Variants in ROBO2 observed in about 807,000 individuals in gnomAD.
ROBO2 encodes the protein roundabout homolog 2.
ROBO2 carries 53 observed loss-of-function variants against 160.8 expected under a neutral mutation model. The observed-to-expected ratio is 0.33, with a 90% CI of 0.26 to 0.41. The LOEUF is 0.41. ROBO2 is among the 10% of genes least tolerant of loss of function. The probability of loss-of-function intolerance (pLI) is 1.00; values close to 1 mark genes in which losing one functional copy is unlikely to be tolerated. For synonymous variants in ROBO2, 664 were observed against 611.7 expected, an observed-to-expected ratio of 1.09 and a Z score of -1.26; for missense variants, 1,577 against 1,722.4, an observed-to-expected ratio of 0.92 and a Z score of 1.49.
At chr3:76,577,808 A>G (rs2085401251) in intron 2 of ROBO2, among the ~76,000 whole-genome samples, 1 of 152,122 alleles carries the variant, frequency 6.6e-6, no homozygotes, top group South Asian at 2.1e-4. Context: ...TTAATATCTG[A>G]AGAATCATTC....
intron 2 of ROBO2, among the ~76,000 whole-genome samples, chr3:76,235,125 C>T (rs868816514): frequency 2.0e-5 from 3 of 152,102 alleles, no homozygotes; most frequent in South Asian, 2.1e-4. Context: ...TGATTGAGTC[C>T]TCCCTCACAG....
At chr3:76,607,809 C>T (rs1455465114) in intron 2 of ROBO2, among the ~76,000 whole-genome samples, 1 of 152,212 alleles carries the variant, frequency 6.6e-6, no homozygotes, top group Non-Finnish European at 1.5e-5. Flanking sequence ...ACGTAGAAAA[C>T]ACTTTTGAGG....
chr3:76,081,935 A>G (rs2068847439), intron 2 of ROBO2, among the ~76,000 whole-genome samples: 2 of 152,140 alleles, frequency 1.3e-5, no homozygotes, highest in Admixed American at 6.6e-5. Context: ...AGACATGCAT[A>G]TAAAATATAA....
At chr3:77,416,244 G>A (rs1451487954) in intron 2 of ROBO2, among the ~76,000 whole-genome samples, 1 of 152,206 alleles carries the variant, frequency 6.6e-6, no homozygotes, top group South Asian at 2.1e-4. Flanking sequence ...ATGAGAGAGT[G>A]CATGCTGATT....
intron 2 of ROBO2, among the ~76,000 whole-genome samples, chr3:76,822,072 A>C (rs557936321): frequency 6.6e-6 from 1 of 152,026 alleles, no homozygotes; most frequent in African/African-American, 2.4e-5. Flanking sequence ...CCAAAAAAAA[A>C]TTTTCCAGAC....
rs552088200 is a variant in ROBO2 at position 76,586,822 on chromosome 3, C to T, written c.110-511192C>T. On this transcript the variant is annotated intron_variant, in intron 2 of 26. Coordinates refer to the ROBO2 transcript ENST00000487694. ...CTAATTAAAAAAGGAGTACTGATCA[C>T]ATATGCAAAGATATGATCCCAGGTT... is the stretch of plus-strand genomic sequence containing the variant. Among the ~76,000 whole-genome samples the T allele has an allele frequency of 2.6e-5, 4 of 152,302 alleles. No homozygotes were observed. The South Asian group carries it at 8.3e-4, about 32-fold the overall frequency.
chr3:76,580,159 A>G (rs1045182467), intron 2 of ROBO2, among the ~76,000 whole-genome samples: 1 of 151,940 alleles, frequency 6.6e-6, no homozygotes, highest in East Asian at 1.9e-4. Flanking sequence ...TTTCTGTAGT[A>G]TTTGAGTTTG....
chr3:76,631,013 T>C (rs567601434), intron 2 of ROBO2, among the ~76,000 whole-genome samples: 34 of 152,296 alleles, frequency 2.2e-4, no homozygotes, highest in African/African-American at 6.7e-4. Context: ...CTGGGCTGAA[T>C]GTGCGAGAAT....
chr3:77,426,994 T>C (rs1315063527), intron 2 of ROBO2, among the ~76,000 whole-genome samples: 2 of 152,172 alleles, frequency 1.3e-5, no homozygotes, highest in Non-Finnish European at 2.9e-5. Flanking sequence ...TTTTAAAATT[T>C]GCTAACAGCG....
rs142807408 is a variant in ROBO2 at position 76,259,963 on chromosome 3, A to G, written c.109+322361A>G. On this transcript the variant is annotated intron_variant, in intron 2 of 26. Transcript: ENST00000487694. The stretch of plus-strand genomic sequence containing the variant: ...AAGCAGGGTAAAACCTAGACTTTTC[A>G]TAGTTTATGACAATCTGGTATGAAA... 1.5e-3 allele frequency among the ~76,000 whole-genome samples: 234 copies of G among 152,284 alleles called. 1 individual carries two copies. The highest frequency in any genetic ancestry group is 5.1e-3 in the African/African-American group (211 of 41,568).
chr3:76,186,183 T>G (rs888033332), intron 2 of ROBO2, among the ~76,000 whole-genome samples: 1 of 151,938 alleles, frequency 6.6e-6, no homozygotes, highest in African/African-American at 2.4e-5. Context: ...TCCACCCACC[T>G]CAGCCTCCCA....
At chr3:76,886,695 A>G (rs1326177363) in intron 2 of ROBO2, among the ~76,000 whole-genome samples, 3 of 152,126 alleles carry the variant, frequency 2.0e-5, no homozygotes, top group Non-Finnish European at 4.4e-5. Flanking sequence ...AATCAGGATG[A>G]CTAGAAATCA....
intron 2 of ROBO2, among the ~76,000 whole-genome samples, chr3:76,275,164 T>C (rs987438727): frequency 2.0e-5 from 3 of 152,176 alleles, no homozygotes; most frequent in Non-Finnish European, 4.4e-5. Context: ...GCTGTACTTA[T>C]ATTCAATAAT....
At chr3:77,138,929 C>CT (rs1210504485) in intron 2 of ROBO2, among the ~76,000 whole-genome samples, 1 of 152,114 alleles carries the variant, frequency 6.6e-6, no homozygotes, top group Non-Finnish European at 1.5e-5. Context: ...AAATGTCTGA[C>CT]TCTGGCTCTG....
At chr3:76,153,630 C>T (rs1010354984) in intron 2 of ROBO2, among the ~76,000 whole-genome samples, 1 of 152,130 alleles carries the variant, frequency 6.6e-6, no homozygotes, top group African/African-American at 2.4e-5. Flanking sequence ...AGAAGACGAA[C>T]CTTACAATCC....
At chr3:76,748,473 T>C (rs2093928465) in intron 2 of ROBO2, among the ~76,000 whole-genome samples, 2 of 151,860 alleles carry the variant, frequency 1.3e-5, no homozygotes, top group South Asian at 4.1e-4. Context: ...TGTATATGTA[T>C]ATGTAATTCA....
chr3:76,316,896 A>G (rs932386665), intron 2 of ROBO2, among the ~76,000 whole-genome samples: 6 of 152,126 alleles, frequency 3.9e-5, no homozygotes, highest in Non-Finnish European at 8.8e-5. Flanking sequence ...ACAACTTAAG[A>G]CTTTCTGGTT....
At chr3:76,517,909 T>A (rs1250669830) in intron 2 of ROBO2, among the ~76,000 whole-genome samples, 1 of 152,188 alleles carries the variant, frequency 6.6e-6, no homozygotes, top group Non-Finnish European at 1.5e-5. Flanking sequence ...TAAAATTATA[T>A]TTTACAAAAG....
intron 2 of ROBO2, among the ~76,000 whole-genome samples, chr3:76,492,132 A>C (rs1459223269): frequency 6.6e-6 from 1 of 152,132 alleles, no homozygotes; most frequent in Non-Finnish European, 1.5e-5. Context: ...CGAACAAAAA[A>C]AAACACCCCC....
Sources: allele counts gnomAD v4.1 joint callset (sites outside exome capture counted in the v4.1 genomes callset), GRCh38; gene constraint gnomAD v4.1.1; transcripts MANE v1.5; gene names NCBI Gene and HGNC (gene_info 2026-07-23, HGNC 2026-07-21).